CFAP141: variants seen among roughly 807,000 people sequenced by gnomAD.
The protein encoded by CFAP141 is cilia and flagella associated protein 141.
chr1:154,205,104 G>A, the CFAP141 span, among the ~76,000 whole-genome samples: 1 of 151,728 alleles, frequency 6.6e-6, no homozygotes. Context: ...GGCTGGTCTT[G>A]AACTCCTGAG....
the CFAP141 span, among the ~76,000 whole-genome samples, chr1:154,203,398 T>G: frequency 2.7e-5 from 4 of 149,954 alleles, no homozygotes; most frequent in Non-Finnish European, 5.9e-5. Context: ...TAGCTGGGAT[T>G]ATAGGCGTGT....
the CFAP141 span, among the ~76,000 whole-genome samples, chr1:154,204,797 A>G: frequency 3.3e-5 from 5 of 151,702 alleles, no homozygotes; most frequent in Non-Finnish European, 5.9e-5. Flanking sequence ...CCTGGGCTCA[A>G]GCAATCCCCC....
At chr1:154,199,725 T>A in the CFAP141 span, among the ~76,000 whole-genome samples, 1 of 152,172 alleles carries the variant, frequency 6.6e-6, no homozygotes, top group African/African-American at 2.4e-5. Context: ...GGCAAAGCCC[T>A]ATGTTCAGCA....
the CFAP141 span, chr1:154,199,576 C>A: frequency 3.4e-6 from 4 of 1,171,060 alleles, no homozygotes; most frequent in Non-Finnish European, 4.9e-6. Flanking sequence ...CTGTTTACCA[C>A]CCTTTCTTAT....
chr1:154,200,513 C>G, the CFAP141 span: 1 of 1,614,076 alleles, frequency 6.2e-7, no homozygotes, highest in African/African-American at 1.3e-5. Flanking sequence ...TGTCCTGCAT[C>G]CTTAGGGTGG....
At chr1:154,201,558 T>C in the CFAP141 span, among the ~76,000 whole-genome samples, 55 of 152,010 alleles carry the variant, frequency 3.6e-4, no homozygotes, top group Admixed American at 7.2e-4. Context: ...TGGCTAATTT[T>C]TGTATTTTTA....
At chr1:154,204,869 G>C in the CFAP141 span, among the ~76,000 whole-genome samples, 9,474 of 147,306 alleles carry the variant, frequency 0.064, 1,050 homozygotes, top group African/African-American at 0.22. Flanking sequence ...GCTTGCATCA[G>C]TGTTTTTTTT....
At chr1:154,205,709 C>CT in the CFAP141 span, 48,048 of 1,094,794 alleles carry the variant, frequency 0.044, 14 homozygotes, top group Non-Finnish European at 0.045. Context: ...AGACATAGAC[C>CT]TTTTTTTTTT....
At chr1:154,200,473 T>A in the CFAP141 span, 1 of 1,614,214 alleles carries the variant, frequency 6.2e-7, no homozygotes, top group Non-Finnish European at 8.5e-7. Flanking sequence ...AGTAGTTGCT[T>A]TTTGGCCAGT....
the CFAP141 span, chr1:154,200,468 T>C: frequency 1.9e-6 from 3 of 1,614,220 alleles, no homozygotes; most frequent in Non-Finnish European, 2.5e-6. Flanking sequence ...CCATTAGTAG[T>C]TGCTTTTTGG....
chr1:154,205,945 C>T, the CFAP141 span, among the ~76,000 whole-genome samples: 13 of 152,196 alleles, frequency 8.5e-5, no homozygotes, highest in East Asian at 3.9e-4. Context: ...TCAGGTGATC[C>T]GCCCACCTCA....
chr1:154,200,719 G>T, the CFAP141 span: 1 of 1,072,200 alleles, frequency 9.3e-7, no homozygotes, highest in Non-Finnish European at 1.3e-6. Context: ...TTTCACTCTT[G>T]TTGCCCAGGC....
At chr1:154,201,603 G>C in the CFAP141 span, among the ~76,000 whole-genome samples, 1 of 151,378 alleles carries the variant, frequency 6.6e-6, no homozygotes, top group African/African-American at 2.4e-5. Context: ...GGCCACGCTG[G>C]TGTCGAACTC....
the CFAP141 span, among the ~76,000 whole-genome samples, chr1:154,204,644 T>A: frequency 3.3e-5 from 5 of 152,018 alleles, no homozygotes; most frequent in Admixed American, 6.6e-5. Context: ...AGTGGTGGCA[T>A]CACTTGACCT....
At chr1:154,205,556 G>T in the CFAP141 span, 1 of 1,589,006 alleles carries the variant, frequency 6.3e-7, no homozygotes, top group Non-Finnish European at 8.6e-7. Context: ...AGAGTGGAAA[G>T]GTCAAGCTCA....
chr1:154,199,858 G>A, the CFAP141 span, among the ~76,000 whole-genome samples: 5 of 152,150 alleles, frequency 3.3e-5, no homozygotes, highest in East Asian at 1.9e-4. Flanking sequence ...CAAGTGATAC[G>A]CACTAAGAGG....
the CFAP141 span, chr1:154,199,352 T>G: frequency 1.0e-6 from 1 of 978,578 alleles, no homozygotes; most frequent in Non-Finnish European, 1.5e-6. Flanking sequence ...GGGAAGGAGG[T>G]TCAAGGTGGT....
chr1:154,204,591 T>C, the CFAP141 span, among the ~76,000 whole-genome samples: 3 of 151,702 alleles, frequency 2.0e-5, no homozygotes, highest in Non-Finnish European at 2.9e-5. Flanking sequence ...CATTTTGTTT[T>C]GTTTTGAGAC....
the CFAP141 span, chr1:154,200,429 G>A: frequency 6.2e-7 from 1 of 1,612,026 alleles, no homozygotes; most frequent in Non-Finnish European, 8.5e-7. Context: ...AGTAGTGAAT[G>A]AGACTTCAGG....
Sources: allele counts gnomAD v4.1 joint callset (sites outside exome capture counted in the v4.1 genomes callset), GRCh38; gene constraint gnomAD v4.1.1; transcripts MANE v1.5; gene names NCBI Gene and HGNC (gene_info 2026-07-23, HGNC 2026-07-21).